ITSN2: variants seen among roughly 807,000 people sequenced by gnomAD.
The protein encoded by ITSN2 is intersectin-2.
ITSN2 carries 156 observed loss-of-function variants against 243.7 expected under a neutral mutation model. The observed-to-expected ratio is 0.64, with a 90% confidence interval of 0.56 to 0.73. The LOEUF (loss-of-function observed/expected upper bound fraction) is 0.73, where lower values mean the gene tolerates loss of function less well. ITSN2 is among the 30% of genes least tolerant of loss of function. The pLI is 0.00. For synonymous variants in ITSN2, 703 were observed against 699.9 expected (o/e 1.00, Z -0.07); for missense variants, 1,801 against 1,996.1 (o/e 0.90, Z 1.86).
chr2:24,245,164 T>C (rs1373938650), intron 29 of ITSN2, among the ~76,000 whole-genome samples: 1 of 152,172 alleles, frequency 6.6e-6, no homozygotes, highest in Admixed American at 6.5e-5. Flanking sequence ...ATATTTACTG[T>C]CAACCAAAAG....
chr2:24,248,177 A>G (rs941131957), intron 27 of ITSN2, among the ~76,000 whole-genome samples: 1 of 152,136 alleles, frequency 6.6e-6, no homozygotes, highest in Non-Finnish European at 1.5e-5. Context: ...AAAAAGGTTC[A>G]TCTATGTCTG....
chr2:24,292,172 AC>A (rs1680338366), intron 15 of ITSN2, among the ~76,000 whole-genome samples: 1 of 152,220 alleles, frequency 6.6e-6, no homozygotes, highest in Non-Finnish European at 1.5e-5. Flanking sequence ...CAAAGCCCAA[AC>A]AAAAGCTTCC....
chr2:24,243,089 TC>T (rs1672926544), intron 29 of ITSN2, among the ~76,000 whole-genome samples: 1 of 152,192 alleles, frequency 6.6e-6, no homozygotes, highest in Non-Finnish European at 1.5e-5. Flanking sequence ...TACTTATCCT[TC>T]ATGTACCAGC....
chr2:24,219,417 G>C (rs1245597909), intron 30 of ITSN2, among the ~76,000 whole-genome samples: 1 of 152,226 alleles, frequency 6.6e-6, no homozygotes, highest in South Asian at 2.1e-4. Context: ...GGCCACTCCT[G>C]TGAGAGCAGC....
rs376258661 is a variant in ITSN2, at chr2:24,285,010, C to A, written c.1864-167G>T. On this transcript the variant is annotated intron_variant, in intron 16 of 39. Transcript: ENST00000355123. ...CTCCCGGGTTCAAGCGATTCTCCTG[C>A]CTCAGCCTCCCGAGTAGCTGGGACT... Among the ~76,000 whole-genome samples the A allele has an allele frequency of 2.0e-5, 3 of 150,672 alleles. No homozygotes were observed. In the East Asian group the frequency reaches 5.9e-4, roughly 30 times the overall value.
chr2:24,326,286 G>C (rs1685149337), intron 2 of ITSN2, among the ~76,000 whole-genome samples: 1 of 151,990 alleles, frequency 6.6e-6, no homozygotes, highest in African/African-American at 2.4e-5. Context: ...TTTTGTTATT[G>C]AATAGTCCAT....
At chr2:24,276,479 A>T (rs1294652534) in intron 17 of ITSN2, among the ~76,000 whole-genome samples, 1 of 152,162 alleles carries the variant, frequency 6.6e-6, no homozygotes, top group Non-Finnish European at 1.5e-5. Context: ...ACGTCTACAG[A>T]CTTTGTCTTT....
chr2:24,313,551 C>G (rs748357402), intron 3 of ITSN2, 28 bp from the exon 4 acceptor site: 2 of 1,549,458 alleles, frequency 1.3e-6, no homozygotes, highest in Non-Finnish European at 1.8e-6. Flanking sequence ...AAAACCCAAG[C>G]AGCACATTAG....
chr2:24,346,283 T>C (rs1046914310), intron 1 of ITSN2, among the ~76,000 whole-genome samples: 2 of 152,198 alleles, frequency 1.3e-5, no homozygotes, highest in Non-Finnish European at 2.9e-5. Context: ...AAGATGAAAG[T>C]ATCATTTTGC....
rs201712131 is a variant in ITSN2 at position 24,337,315 on chromosome 2, A to AATATATATATAT, written c.-33-9212_-33-9201dup. Among the ~76,000 whole-genome samples, 56 of 31,922 alleles carry AATATATATATAT rather than the reference A, an allele frequency of 1.8e-3. 1 individual carries two copies. The highest frequency in any genetic ancestry group is 0.019 in the Middle Eastern group (1 of 54). The allele number at this position is 31,922 out of a possible 152,430, so 20.9% of individuals were successfully genotyped here. On this transcript the variant is annotated intron_variant, in intron 1 of 39. Coordinates refer to ENST00000355123, the MANE Select transcript of ITSN2 (RefSeq NM_006277.3). Reference sequence around the variant, plus strand: ...TGTGTGTGTGTGTGTGTATACACAAAATATATATATATATATATATATATA... The same window carrying AATATATATATAT: ...TGTGTGTGTGTGTGTGTATACACAAAATATATATATATATATATATATATATATATATATATA...
chr2:24,315,811 C>T (rs1044040690), intron 2 of ITSN2, among the ~76,000 whole-genome samples: 2 of 152,212 alleles, frequency 1.3e-5, no homozygotes, highest in Non-Finnish European at 2.9e-5. Context: ...TGCTTTGCAT[C>T]CCCTTCGCCT....
intron 1 of ITSN2, 137 bp downstream of exon 1, chr2:24,360,167 C>T (rs1688827975): frequency 6.6e-6 from 1 of 152,224 alleles, no homozygotes; most frequent in Non-Finnish European, 1.5e-5. Flanking sequence ...CGGGGGCCGC[C>T]CGTACTCCCG....
At position 24,225,873 on chromosome 2, in the gene ITSN2, T is replaced by A. The variant is rs908479437; in HGVS notation, c.3578-4807A>T. On this transcript the variant is annotated intron_variant, in intron 29 of 39. Coordinates refer to ENST00000355123, the MANE Select transcript of ITSN2 (RefSeq NM_006277.3). This position sits in a 1 kb window ranked among gnomAD's most constrained non-coding sequence, Gnocchi z 4.2. ...AACATCTTTTTTGTCCTGAGAAAAG[T>A]CCTGATGAACTGAGGAATTCGGGTT... 2.0e-5 allele frequency among the ~76,000 whole-genome samples: 3 copies of A among 152,132 alleles called. No individual in the cohort carries two copies. The highest frequency in any genetic ancestry group is 2.9e-5 in the Non-Finnish European group (2 of 68,012).
At position 24,308,743 on chromosome 2, in the gene ITSN2, T is replaced by A; in HGVS notation, c.667A>T (p.Thr223Ser). 7.0e-7 allele frequency: 1 copy of A among 1,424,880 alleles called. No individual in the cohort carries two copies. The highest frequency in any genetic ancestry group is 9.2e-7 in the Non-Finnish European group (1 of 1,083,860). The allele number at this position is 1,424,880 out of a possible 1,614,324, so 88.3% of individuals were successfully genotyped here. A position where few individuals can be genotyped will look rare whatever the true frequency, so the allele number is the denominator to read the frequency against. ...GGTGAGTTCCCTGAGAGTGAAGCAG[T>A]CGAGGAAGTTGAGCTATAAAAAAAT... ...DLGSSSSTSS[T>S]ASLSGNSPKT... is the part of the protein sequence containing the mutation. The change falls in exon 8 of 40, where the codon ACT becomes TCT. Residue 223 changes from threonine (T) to serine (S), a missense_variant. Thr to Ser is a moderately conservative substitution (Grantham distance 58). Coordinates refer to ENST00000355123, the MANE Select transcript of ITSN2 (RefSeq NM_006277.3).
chr2:24,264,097 A>G (rs1574068069), intron 20 of ITSN2, among the ~76,000 whole-genome samples: 1 of 152,330 alleles, frequency 6.6e-6, no homozygotes, highest in African/African-American at 2.4e-5. Flanking sequence ...GTTTTCCTCA[A>G]AAAGAAACAC....
At chr2:24,343,796 T>C (rs961875797) in intron 1 of ITSN2, among the ~76,000 whole-genome samples, 3 of 152,192 alleles carry the variant, frequency 2.0e-5, no homozygotes, top group Non-Finnish European at 2.9e-5. Flanking sequence ...ATACCAGTAA[T>C]ATACTCCATT....
At position 24,293,717 on chromosome 2, in the gene ITSN2, A is replaced by G; in HGVS notation, c.1694T>C (p.Ile565Thr). ...TGTGTTACTGAACTGCATGTTTTTA[A>G]TTCTTTCATTTAATAATTGCTTCTC... Reference protein sequence around the residue: ...VPEKQLLNERIKNMQFSNTPD... With the variant: ...VPEKQLLNERTKNMQFSNTPD... Residue 565 changes from isoleucine to threonine, a missense_variant, in exon 15 of 40, where the codon ATT (isoleucine) becomes ACT (threonine). Physicochemically the swap from Ile to Thr is moderately conservative, Grantham distance 89 (BLOSUM62 -1). Transcript: ENST00000355123. 7.9e-7 allele frequency: 1 copy of G among 1,258,244 alleles called. No individual in the cohort carries two copies. Among genetic ancestry groups the G allele is most frequent in the Non-Finnish European group, 1.1e-6 (1 of 895,866 alleles). The allele number at this position is 1,258,244 out of a possible 1,614,324, so 77.9% of individuals were successfully genotyped here.
chr2:24,206,762 G>A (rs1668930387), intron 37 of ITSN2, among the ~76,000 whole-genome samples: 2 of 152,118 alleles, frequency 1.3e-5, no homozygotes, highest in Non-Finnish European at 2.9e-5. Context: ...GAAAAGCAGG[G>A]ACTGAGAGGG....
intron 29 of ITSN2, among the ~76,000 whole-genome samples, chr2:24,221,844 G>C (rs1389040234): frequency 2.0e-5 from 3 of 152,214 alleles, no homozygotes; most frequent in Non-Finnish European, 4.4e-5. Context: ...AGCTGAACTA[G>C]ATGTCAAACT....
Sources: gnomAD v4.1 joint callset for allele counts (sites outside exome capture counted in the v4.1 genomes callset) on GRCh38, gnomAD v4.1.1 for gene constraint, Gnocchi (gnomAD v3.1) non-coding constraint, MANE v1.5 for transcripts, NCBI Gene and HGNC (gene_info 2026-07-23, HGNC 2026-07-21) for gene names.